Variants in SELENOS observed in about 807,000 individuals in gnomAD.
The protein encoded by SELENOS is selenoprotein S.
SELENOS carries 37 observed loss-of-function variants against 30.2 expected under a neutral mutation model. The ratio of observed to expected loss-of-function variants is 1.23; its 90% CI spans 0.94 to 1.61. The LOEUF (loss-of-function observed/expected upper bound fraction) is 1.61. Among genes scored for constraint, SELENOS ranks in the 40% most tolerant of loss-of-function variants. SELENOS has a pLI of 0.00. For synonymous variants in SELENOS, 119 were observed against 91.6 expected, an observed-to-expected ratio of 1.30 and a Z score of -1.71; for missense variants, 289 against 231.8, an observed-to-expected ratio of 1.25 and a Z score of -1.60.
In SELENOS at chr15:101,272,740, G is replaced by A. The variant is rs1567118263; in HGVS notation, c.*31C>T. ...GAATCGAGGGTTAAGGGTTCATCTTGCTAATGTCAAAAGTGACACTAACAA... is the reference window on the plus strand; with the variant it reads ...GAATCGAGGGTTAAGGGTTCATCTTACTAATGTCAAAAGTGACACTAACAA... On this transcript the variant is annotated 3_prime_UTR_variant, in exon 6 of 6. Coordinates refer to ENST00000526049, the MANE Select transcript of SELENOS (RefSeq NM_018445.6). 15 of 1,579,376 alleles carry A rather than the reference G, an allele frequency of 9.5e-6. No individual in the cohort carries two copies. The highest frequency in any genetic ancestry group is 1.3e-5 in the Non-Finnish European group (15 of 1,161,158).
chr15:101,274,598 CT>C lies in SELENOS; in HGVS notation c.401del (p.Lys134SerfsTer16). 1 of 1,613,614 alleles carries C rather than the reference CT, an allele frequency of 6.2e-7. No individual in the cohort carries two copies. Among genetic ancestry groups the C allele is most frequent in the Non-Finnish European group, 8.5e-7 (1 of 1,179,724 alleles). ...EGKSYKGNAK[K>X]PQEEDSPGPS... Reference sequence around the variant, plus strand: ...GGCCGAGGTCTCCAGTCACCTGGGGCTTCTTTGCATTTCCTTTGTAACTTTT... The same window carrying C: ...GGCCGAGGTCTCCAGTCACCTGGGGCTCTTTGCATTTCCTTTGTAACTTTT... On this transcript the variant is annotated frameshift_variant, in exon 4 of 6. Transcript: ENST00000526049. LOFTEE classifies it high-confidence loss of function.
At chr15:101,274,826 C>T in intron 3 of SELENOS, 145 bp from the exon 4 acceptor site, 1 of 884,990 alleles carries the variant, frequency 1.1e-6, no homozygotes, top group East Asian at 2.6e-5. Context: ...CTGTTGTGAT[C>T]TGGTAGTGTG....
rs565520908 is a variant in SELENOS at position 101,274,544 on chromosome 15, T to C, written c.408+48A>G. On this transcript the variant is annotated intron_variant, in intron 4 of 5. Coordinates refer to ENST00000526049, the MANE Select transcript of SELENOS (RefSeq NM_018445.6). ...TAAGAAGCAATTAAAACATTCTACT[T>C]GGCAATCTTCATCTACCGCATGCCA... 9.3e-6 allele frequency: 15 copies of C among 1,609,312 alleles called. No homozygotes were observed. In the South Asian group the frequency reaches 1.2e-4, roughly 13 times the overall value.
intron 1 of SELENOS, 116 bp downstream of exon 1, chr15:101,277,226 G>T: frequency 1.3e-6 from 2 of 1,496,178 alleles, no homozygotes; most frequent in South Asian, 2.4e-5. Context: ...GCCAACGCCC[G>T]ACCGTTCCCA....
rs923468110 is a variant in SELENOS, at chr15:101,276,904, G to C, written c.77-229C>G. 40 of 557,546 alleles carry C rather than the reference G, an allele frequency of 7.2e-5. No individual in the cohort carries two copies. In the African/African-American group the frequency reaches 7.4e-4, roughly 10 times the overall value. The allele number at this position is 557,546 out of a possible 1,614,324, so 34.5% of individuals were successfully genotyped here. The stretch of plus-strand genomic sequence containing the variant: ...CCATCTGGGGAGTCGGGGGCAGTTA[G>C]AGTGTGGAGGGCACAGCAACTGGGT... On this transcript the variant is annotated intron_variant, in intron 1 of 5. Coordinates refer to ENST00000526049, the MANE Select transcript of SELENOS (RefSeq NM_018445.6).
rs1385772799 is a variant in SELENOS at position 101,276,475 on chromosome 15, G to C, written c.211+66C>G. On this transcript the variant is annotated intron_variant, in intron 2 of 5. Coordinates refer to ENST00000526049, the MANE Select transcript of SELENOS (RefSeq NM_018445.6). The stretch of plus-strand genomic sequence containing the variant: ...GTGTGGCCCCTCTTACTTTTACTAA[G>C]AGACTAACTCTTAATATAAAGGAGG... 8.2e-6 allele frequency: 12 copies of C among 1,455,810 alleles called. No homozygotes were observed. In the East Asian group the frequency reaches 2.5e-4, roughly 30 times the overall value. The allele number at this position is 1,455,810 out of a possible 1,614,324, so 90.2% of individuals were successfully genotyped here. A position where few individuals can be genotyped will look rare whatever the true frequency, so the allele number is the denominator to read the frequency against.
chr15:101,274,106 C>A, intron 5 of SELENOS: 1 of 416,514 alleles, frequency 2.4e-6, no homozygotes, highest in Non-Finnish European at 4.4e-6. Context: ...TGGTCCCAGC[C>A]AGAAAGACCA....
rs1458636460 is a variant in SELENOS at position 101,272,879 on chromosome 15, C to A, written c.485-23G>T. 6 of 1,584,182 alleles carry A rather than the reference C, an allele frequency of 3.8e-6. No individual in the cohort carries two copies. In the South Asian group the frequency reaches 6.9e-5, roughly 18 times the overall value. ...AACCTGGGAGGACAGAAAAGCAGCA[C>A]AACAGTATTGATAAAAATCTGAAAA... On this transcript the variant is annotated intron_variant, in intron 5 of 5. Coordinates refer to ENST00000526049, the MANE Select transcript of SELENOS (RefSeq NM_018445.6).
chr15:101,274,515 A>T lies in SELENOS; in HGVS notation c.409-20T>A. The T allele has an allele frequency of 6.2e-7, 1 of 1,607,064 alleles. No individual in the cohort carries two copies. The highest frequency in any genetic ancestry group is 8.5e-7 in the Non-Finnish European group (1 of 1,176,302). On this transcript the variant is annotated intron_variant, in intron 4 of 5. Coordinates refer to ENST00000526049, the MANE Select transcript of SELENOS (RefSeq NM_018445.6). The stretch of plus-strand genomic sequence containing the variant: ...TTCCTCCTGTTTGAACACACACAGT[A>T]GTGTAAGAAGCAATTAAAACATTCT...
In SELENOS at chr15:101,276,583, C is replaced by G. The variant is rs957052691; in HGVS notation, c.169G>C (p.Ala57Pro). 1.9e-6 allele frequency: 3 copies of G among 1,613,820 alleles called. No individual in the cohort carries two copies. The highest frequency in any genetic ancestry group is 2.5e-6 in the Non-Finnish European group (3 of 1,179,832). The change falls in exon 2 of 6, where the codon GCC becomes CCC. Residue 57 changes from alanine to proline, a missense_variant. Coordinates refer to ENST00000526049, the MANE Select transcript of SELENOS (RefSeq NM_018445.6). Reference protein sequence around the residue: ...VFQKLSARLRALRQRQLDRAA... With the variant: ...VFQKLSARLRPLRQRQLDRAA... ...CGGTCCAGCTGCCTCTGCCTCAAGGCTCTTAGCCGGGCGGAAAGCTTCTGA... is the reference window on the plus strand; with the variant it reads ...CGGTCCAGCTGCCTCTGCCTCAAGGGTCTTAGCCGGGCGGAAAGCTTCTGA...
At chr15:101,275,195 G>T in intron 3 of SELENOS, 60 bp downstream of exon 3, 1 of 1,415,084 alleles carries the variant, frequency 7.1e-7, no homozygotes, top group Non-Finnish European at 9.5e-7. Flanking sequence ...CACAGGCATC[G>T]TTAGCCACTA....
At chr15:101,275,918 GAAAAAAAA>G (rs11420308) in intron 2 of SELENOS, among the ~76,000 whole-genome samples, 1 of 113,256 alleles carries the variant, frequency 8.8e-6, no homozygotes, top group Non-Finnish European at 1.9e-5. Flanking sequence ...CCATCTCATA[GAAAAAAAA>G]AAAAAAAAGA....
In SELENOS at chr15:101,275,261, C is replaced by A; in HGVS notation, c.312G>T (p.Leu104=). 6.4e-7 allele frequency: 1 copy of A among 1,551,922 alleles called. No individual in the cohort carries two copies. Among genetic ancestry groups the A allele is most frequent in the South Asian group, 1.2e-5 (1 of 82,212 alleles). ...NAQVEKHKEK[L]KQLEEEKRRQ... ...AACTGAAACCAGTTCATACTTGTTTCAGTTTTTCCTTATGCTTTTCAACTT... is the reference window on the plus strand; with the variant it reads ...AACTGAAACCAGTTCATACTTGTTTAAGTTTTTCCTTATGCTTTTCAACTT... The change falls in exon 3 of 6, where the codon CTG becomes CTT. Residue 104 remains leucine (L), a synonymous_variant. Coordinates refer to ENST00000526049, the MANE Select transcript of SELENOS (RefSeq NM_018445.6).
intron 2 of SELENOS, among the ~76,000 whole-genome samples, chr15:101,275,966 G>C (rs897640625): frequency 5.0e-4 from 75 of 149,870 alleles, no homozygotes; most frequent in African/African-American, 1.8e-3. Context: ...CTGTTGCCCA[G>C]GCTGGAGTGC....
At position 101,275,418 on chromosome 15, in the gene SELENOS, T is replaced by C. The variant is rs1256076185; in HGVS notation, c.212-57A>G. The C allele has an allele frequency of 2.2e-6, 3 of 1,362,730 alleles. No individual in the cohort carries two copies. The East Asian group carries it at 7.8e-5, about 35-fold the overall frequency. 84.4% of individuals were successfully genotyped at this position (1,362,730 alleles called of 1,614,324 possible). A position where few individuals can be genotyped will look rare whatever the true frequency, so the allele number is the denominator to read the frequency against. On this transcript the variant is annotated intron_variant, in intron 2 of 5. Transcript: ENST00000526049. ...ACTGTGTACAATATAAAATAGAAAC[T>C]TTTGAGTGTCCATATTATTAAAAGT...
intron 3 of SELENOS, 197 bp from the exon 4 acceptor site, chr15:101,274,878 TAAAG>T (rs2039307365): frequency 4.8e-6 from 3 of 622,974 alleles, no homozygotes; most frequent in Admixed American, 3.4e-5. Context: ...TGTACACTAT[TAAAG>T]AAAGCAAAAT....
chr15:101,271,327 T>C (rs2039266499), downstream of SELENOS: 1 of 152,236 alleles, frequency 6.6e-6, no homozygotes, highest in Non-Finnish European at 1.5e-5. Context: ...TCTGGGCTGG[T>C]GGGAGCCAAT....
At chr15:101,275,163 A>G in intron 3 of SELENOS, 92 bp downstream of exon 3, 1 of 1,117,780 alleles carries the variant, frequency 8.9e-7, no homozygotes, top group Non-Finnish European at 1.3e-6. Context: ...ACCTGGTCCT[A>G]GAAGCTTATA....
Position 101,272,423 on chromosome 15 carries a change from C to T in SELENOS, c.*348G>A, listed in dbSNP as rs886654555. On this transcript the variant is annotated 3_prime_UTR_variant, in exon 6 of 6. Coordinates refer to ENST00000526049, the MANE Select transcript of SELENOS (RefSeq NM_018445.6). Reference sequence around the variant, plus strand: ...AGACATCATTCAACGCAACCTGTCACAGAGACTGTCCTAGCAGCAAGGATT... The same window carrying T: ...AGACATCATTCAACGCAACCTGTCATAGAGACTGTCCTAGCAGCAAGGATT... 4.9e-6 allele frequency: 1 copy of T among 202,382 alleles called. No individual in the cohort carries two copies. Among genetic ancestry groups the T allele is most frequent in the African/African-American group, 2.3e-5 (1 of 43,296 alleles). The allele number at this position is 202,382 out of a possible 1,614,324, so 12.5% of individuals were successfully genotyped here.
Sources: allele counts gnomAD v4.1 joint callset (sites outside exome capture counted in the v4.1 genomes callset), GRCh38; gene constraint gnomAD v4.1.1; transcripts MANE v1.5; gene names NCBI Gene and HGNC (gene_info 2026-07-23, HGNC 2026-07-21).